Variants in GATAD2A observed in about 807,000 individuals in gnomAD.
The protein encoded by GATAD2A is GATA zinc finger domain containing 2A, also known as transcriptional repressor p66-alpha.
A neutral mutation model predicts 68.5 loss-of-function variants in GATAD2A; 12 were observed. The observed-to-expected ratio is 0.18, with a 90% CI of 0.11 to 0.28. GATAD2A has a LOEUF of 0.28. GATAD2A is among the 10% of genes least tolerant of loss of function. GATAD2A has a pLI of 1.00. For missense variants in GATAD2A, 755 were observed against 868.5 expected (o/e 0.87, Z 1.64); for synonymous variants, 410 against 375.3 (o/e 1.09, Z -1.07).
chr19:19,495,680 G>A, intron 5 of GATAD2A, 74 bp from the exon 6 acceptor site: 1 of 1,175,752 alleles, frequency 8.5e-7, no homozygotes, highest in Non-Finnish European at 1.2e-6. Flanking sequence ...CATAAAAGCA[G>A]CAAAACTGCT....
At chr19:19,477,844 G>T (rs576245203) in intron 2 of GATAD2A, among the ~76,000 whole-genome samples, 1 of 152,296 alleles carries the variant, frequency 6.6e-6, no homozygotes, top group African/African-American at 2.4e-5. Context: ...ACAAGATTCA[G>T]AATAGCGTCC....
intron 1 of GATAD2A, among the ~76,000 whole-genome samples, chr19:19,458,203 AG>A (rs1207269001): frequency 6.6e-6 from 1 of 152,252 alleles, no homozygotes; most frequent in Non-Finnish European, 1.5e-5. Context: ...CCTGTAGTTC[AG>A]GACTCACCAC....
chr19:19,405,899 G>T lies in GATAD2A; in HGVS notation c.-127G>T, dbSNP rs2050168842. On this transcript the variant is annotated 5_prime_UTR_variant, in exon 1 of 12. The change creates a premature stop within an existing upstream ORF in the 5' untranslated region. Coordinates refer to ENST00000683918, the MANE Select transcript of GATAD2A (RefSeq NM_001384528.1). ...CGCGGGCCCGGGCGGCCCCACAGGC[G>T]GAACGAGCGCGCGCGGCCCGGCGTC... The T allele has an allele frequency of 6.8e-6, 1 of 146,124 alleles. No homozygotes were observed. Among genetic ancestry groups the T allele is most frequent in the Admixed American group, 6.8e-5 (1 of 14,744 alleles). 9.1% of individuals were successfully genotyped at this position (146,124 alleles called of 1,614,324 possible). A position where few individuals can be genotyped will look rare whatever the true frequency, so the allele number is the denominator to read the frequency against.
At chr19:19,437,841 G>C (rs1798143672) in intron 1 of GATAD2A, among the ~76,000 whole-genome samples, 1 of 152,150 alleles carries the variant, frequency 6.6e-6, no homozygotes, top group Non-Finnish European at 1.5e-5. Context: ...CATTTGAGTT[G>C]TTTCTACTTT....
At chr19:19,502,558 C>A in intron 11 of GATAD2A, 32 bp downstream of exon 11, 1 of 1,536,260 alleles carries the variant, frequency 6.5e-7, no homozygotes, top group Non-Finnish European at 8.9e-7. Context: ...CCCCAGGGGA[C>A]CTGCCCATTG....
chr19:19,454,906 A>T (rs1440085369), intron 1 of GATAD2A, among the ~76,000 whole-genome samples: 1 of 152,212 alleles, frequency 6.6e-6, no homozygotes, highest in Non-Finnish European at 1.5e-5. Flanking sequence ...CAGGAGAAAC[A>T]CTAGGCTAGG....
chr19:19,456,153 CAAA>C (rs397859145), intron 1 of GATAD2A, among the ~76,000 whole-genome samples: 19 of 94,242 alleles, frequency 2.0e-4, no homozygotes, highest in Admixed American at 4.3e-4. Flanking sequence ...GACTCCATCT[CAAA>C]AAAAAAAAAA....
intron 7 of GATAD2A, among the ~76,000 whole-genome samples, chr19:19,496,433 A>G (rs927703924): frequency 6.6e-6 from 1 of 152,170 alleles, no homozygotes; most frequent in African/African-American, 2.4e-5. Flanking sequence ...CAGACTTGCT[A>G]TCCAGCACAG....
intron 11 of GATAD2A, among the ~76,000 whole-genome samples, chr19:19,503,307 A>G (rs1332436233): frequency 6.6e-6 from 1 of 152,122 alleles, no homozygotes; most frequent in Non-Finnish European, 1.5e-5. Flanking sequence ...GGAGAGGACA[A>G]TCATGAGACA....
At chr19:19,462,063 A>C (rs1423694088) in intron 1 of GATAD2A, among the ~76,000 whole-genome samples, 3 of 152,214 alleles carry the variant, frequency 2.0e-5, no homozygotes, top group Admixed American at 1.3e-4. Flanking sequence ...CTCATTTGCC[A>C]GTCAGGGTGA....
intron 2 of GATAD2A, 117 bp from the exon 3 acceptor site, chr19:19,492,189 T>C (rs2059840001): frequency 1.7e-5 from 18 of 1,067,502 alleles, no homozygotes; most frequent in Non-Finnish European, 2.5e-5. Context: ...ATGTGGAGGA[T>C]GCAGGGCAGA....
chr19:19,499,484 GCA>G (rs1283539001), intron 8 of GATAD2A, among the ~76,000 whole-genome samples: 9 of 151,620 alleles, frequency 5.9e-5, no homozygotes, highest in Non-Finnish European at 1.2e-4. Flanking sequence ...AGCCTTCCCA[GCA>G]CAGACTTGGG....
chr19:19,415,953 G>A (rs1178858557), intron 1 of GATAD2A, among the ~76,000 whole-genome samples: 3 of 111,204 alleles, frequency 2.7e-5, no homozygotes, highest in African/African-American at 1.3e-4. Flanking sequence ...ACTTTTCCCT[G>A]TATGGTTTTT....
At chr19:19,399,173 G>A (rs562346013) in intron 1 of GATAD2A, among the ~76,000 whole-genome samples, 2 of 152,266 alleles carry the variant, frequency 1.3e-5, no homozygotes, top group Admixed American at 6.5e-5. Context: ...GCAGTGAGCC[G>A]AGATCATGCC....
intron 1 of GATAD2A, among the ~76,000 whole-genome samples, chr19:19,455,061 A>G (rs2056800891): frequency 6.6e-6 from 1 of 152,152 alleles, no homozygotes; most frequent in Admixed American, 6.5e-5. Flanking sequence ...TGGATTGAAA[A>G]TATTTGGGGT....
chr19:19,464,814 T>G, intron 1 of GATAD2A: 1 of 179,320 alleles, frequency 5.6e-6, no homozygotes. Context: ...GAGCAGGGAG[T>G]GAGGAGACCT....
chr19:19,393,086 CTTGAGATCAGGAGT>C (rs2048967798), intron 1 of GATAD2A, among the ~76,000 whole-genome samples: 1 of 152,174 alleles, frequency 6.6e-6, no homozygotes, highest in African/African-American at 2.4e-5. Context: ...CAGGGGATCA[CTTGAGATCAGGAGT>C]TTGAGACCAG....
rs1401112610 is a variant in GATAD2A at position 19,469,398 on chromosome 19, C to G, written c.269+3784C>G. 2.2e-5 allele frequency among the ~76,000 whole-genome samples: 3 copies of G among 138,874 alleles called. No individual in the cohort carries two copies. The East Asian group carries it at 6.3e-4, about 29-fold the overall frequency. 91.1% of individuals were successfully genotyped at this position (138,874 alleles called of 152,430 possible). A position where few individuals can be genotyped will look rare whatever the true frequency, so the allele number is the denominator to read the frequency against. The stretch of plus-strand genomic sequence containing the variant: ...AGTGAGCCAAGATCGCGCCACTGCA[C>G]TCCAACCTGGATGAAAGAACGAGAC... On this transcript the variant is annotated intron_variant, in intron 2 of 11. Transcript: ENST00000683918.
chr19:19,479,679 A>T (rs1349044776), intron 2 of GATAD2A, among the ~76,000 whole-genome samples: 3 of 152,166 alleles, frequency 2.0e-5, no homozygotes, highest in African/African-American at 4.8e-5. Flanking sequence ...GTCACATCAT[A>T]TCAAAGGTAC....
Sources: allele counts gnomAD v4.1 joint callset (sites outside exome capture counted in the v4.1 genomes callset), GRCh38; gene constraint gnomAD v4.1.1; transcripts MANE v1.5; gene names NCBI Gene and HGNC (gene_info 2026-07-23, HGNC 2026-07-21).